KCNIP4: variants seen among roughly 807,000 people sequenced by gnomAD.
KCNIP4 encodes the protein potassium voltage-gated channel interacting protein 4.
A neutral mutation model predicts 34.0 loss-of-function variants in KCNIP4; 12 were observed. The observed-to-expected ratio is 0.35, with a 90% confidence interval of 0.23 to 0.57. The LOEUF (loss-of-function observed/expected upper bound fraction) is 0.57, where lower values mean the gene tolerates loss of function less well. Among genes scored for constraint, KCNIP4 ranks in the 20% least tolerant of loss-of-function variants. KCNIP4 has a pLI of 0.83. For missense variants in KCNIP4, 238 were observed against 311.7 expected, an observed-to-expected ratio of 0.76 and a Z score of 1.78; for synonymous variants, 124 against 102.2, an observed-to-expected ratio of 1.21 and a Z score of -1.29.
intron 1 of KCNIP4, among the ~76,000 whole-genome samples, chr4:21,690,183 TG>T (rs914946170): frequency 6.7e-6 from 1 of 150,230 alleles, no homozygotes; most frequent in African/African-American, 2.4e-5. Flanking sequence ...ACATCAACGA[TG>T]ATCTCTGTCA....
intron 1 of KCNIP4, among the ~76,000 whole-genome samples, chr4:20,897,986 C>A (rs978867265): frequency 6.6e-6 from 1 of 152,256 alleles, no homozygotes; most frequent in Admixed American, 6.5e-5. Flanking sequence ...TAGTAGCATT[C>A]AAATCAGTAG....
chr4:21,126,627 AAAAAAG>A (rs1233674575), intron 1 of KCNIP4, among the ~76,000 whole-genome samples: 5 of 140,206 alleles, frequency 3.6e-5, no homozygotes, highest in Non-Finnish European at 6.3e-5. Context: ...CAAAAAAAAA[AAAAAAG>A]AAAAGAAAAA....
intron 1 of KCNIP4, among the ~76,000 whole-genome samples, chr4:21,504,841 C>T (rs763008673): frequency 4.6e-5 from 7 of 152,102 alleles, no homozygotes; most frequent in Admixed American, 1.3e-4. Context: ...TGCATTTTGA[C>T]GATGTTACCA....
At chr4:21,415,511 G>C (rs568450388) in intron 1 of KCNIP4, among the ~76,000 whole-genome samples, 3 of 150,808 alleles carry the variant, frequency 2.0e-5, no homozygotes, top group African/African-American at 7.3e-5. Flanking sequence ...GACCAACATG[G>C]CAAAACCCCA....
chr4:21,590,487 T>G (rs367962425), intron 1 of KCNIP4, among the ~76,000 whole-genome samples: 1 of 151,838 alleles, frequency 6.6e-6, no homozygotes, highest in Non-Finnish European at 1.5e-5. Context: ...CCAGACAGGT[T>G]GTATATCCAT....
chr4:20,982,189 T>A (rs774259085), intron 1 of KCNIP4, among the ~76,000 whole-genome samples: 83 of 152,332 alleles, frequency 5.4e-4, no homozygotes, highest in Non-Finnish European at 8.4e-4. Context: ...GCTGTGAAAG[T>A]TGACTTCCTC....
intron 1 of KCNIP4, among the ~76,000 whole-genome samples, chr4:21,754,922 G>A (rs573629616): frequency 1.2e-4 from 18 of 152,134 alleles, no homozygotes; most frequent in Middle Eastern, 3.4e-3. Flanking sequence ...CGAGGTGGGC[G>A]GATCACCTGA....
chr4:21,023,737 C>T (rs1560654784), intron 1 of KCNIP4, among the ~76,000 whole-genome samples: 1 of 151,954 alleles, frequency 6.6e-6, no homozygotes, highest in African/African-American at 2.4e-5. Flanking sequence ...AAAAAGTTAA[C>T]CAGGCATGGT....
intron 1 of KCNIP4, among the ~76,000 whole-genome samples, chr4:21,540,821 T>A (rs181821350): frequency 6.6e-6 from 1 of 152,180 alleles, no homozygotes; most frequent in Admixed American, 6.5e-5. Context: ...AGTCCTTCTT[T>A]TGAGGCCACA....
At chr4:21,535,674 G>T (rs909054168) in intron 1 of KCNIP4, among the ~76,000 whole-genome samples, 1 of 151,950 alleles carries the variant, frequency 6.6e-6, no homozygotes, top group Non-Finnish European at 1.5e-5. Flanking sequence ...TTAATCCTGC[G>T]TTTTAAAAAC....
chr4:21,225,324 CA>C lies in KCNIP4; in HGVS notation c.62-342616del, dbSNP rs148229352. 5.7e-3 allele frequency among the ~76,000 whole-genome samples: 875 copies of C among 152,248 alleles called. 12 individuals are homozygous for C. The highest frequency in any genetic ancestry group is 0.02 in the African/African-American group (827 of 41,550). ...ACAAACATAAAAAGGAAGATCCTTT[CA>C]ACCTAAATTTTGTTAAACTCAGGGG... On this transcript the variant is annotated intron_variant, in intron 1 of 8. Coordinates refer to ENST00000382152, the MANE Select transcript of KCNIP4 (RefSeq NM_025221.6).
chr4:21,533,723 G>A (rs534213058), intron 1 of KCNIP4, among the ~76,000 whole-genome samples: 18 of 152,124 alleles, frequency 1.2e-4, no homozygotes, highest in East Asian at 7.7e-4. Context: ...CCTTCTCAGC[G>A]AATACTATAA....
intron 1 of KCNIP4, among the ~76,000 whole-genome samples, chr4:20,942,607 T>C (rs892893201): frequency 3.9e-5 from 6 of 152,176 alleles, no homozygotes; most frequent in African/African-American, 1.4e-4. Flanking sequence ...GTTAAATAAT[T>C]TGTTCAAAGT....
At chr4:21,388,530 T>C (rs1457169199) in intron 1 of KCNIP4, among the ~76,000 whole-genome samples, 1 of 152,166 alleles carries the variant, frequency 6.6e-6, no homozygotes, top group Admixed American at 6.5e-5. Context: ...TCATATAATT[T>C]AACCTGTTAA....
chr4:21,589,030 A>G (rs577159271), intron 1 of KCNIP4, among the ~76,000 whole-genome samples: 4 of 150,830 alleles, frequency 2.7e-5, no homozygotes, highest in East Asian at 3.9e-4. Flanking sequence ...AAGTCAAATC[A>G]TATGGAAATG....
chr4:20,927,523 G>A (rs989295555), intron 1 of KCNIP4, among the ~76,000 whole-genome samples: 4 of 152,044 alleles, frequency 2.6e-5, no homozygotes, highest in Non-Finnish European at 4.4e-5. Flanking sequence ...GACTATACTC[G>A]CTTACATTTG....
At chr4:21,324,012 CT>C (rs1187148559) in intron 1 of KCNIP4, among the ~76,000 whole-genome samples, 9 of 151,956 alleles carry the variant, frequency 5.9e-5, no homozygotes, top group Non-Finnish European at 1.2e-4. Context: ...ATGTTGAGCA[CT>C]TTTCATATAT....
intron 2 of KCNIP4, among the ~76,000 whole-genome samples, chr4:20,881,253 T>TTA (rs1483424727): frequency 5.9e-5 from 9 of 152,206 alleles, no homozygotes; most frequent in African/African-American, 2.2e-4. Context: ...ACTGAATGTA[T>TTA]TATGTTGTTT....
chr4:21,330,560 C>A (rs1286720089), intron 1 of KCNIP4, among the ~76,000 whole-genome samples: 2 of 152,108 alleles, frequency 1.3e-5, no homozygotes, highest in Non-Finnish European at 2.9e-5. Context: ...TACAGAAAAG[C>A]TTTGTGTATT....
Sources: gnomAD v4.1 joint callset for allele counts (sites outside exome capture counted in the v4.1 genomes callset) on GRCh38, gnomAD v4.1.1 for gene constraint, MANE v1.5 for transcripts, NCBI Gene and HGNC (gene_info 2026-07-23, HGNC 2026-07-21) for gene names.